Variants in CNTNAP2 observed in about 807,000 individuals in gnomAD.
CNTNAP2 encodes the protein contactin associated protein 2, also known as contactin-associated protein-like 2.
In CNTNAP2, 98 loss-of-function variants were observed where a neutral mutation model predicts 155.2. The ratio of observed to expected loss-of-function variants is 0.63; its 90% confidence interval spans 0.54 to 0.75. CNTNAP2 has a LOEUF of 0.75. CNTNAP2 is among the 30% of genes least tolerant of loss of function. The pLI is 0.00. For missense variants in CNTNAP2, 1,727 were observed against 1,688.1 expected (o/e 1.02, Z -0.40); for synonymous variants, 651 against 631.2 (o/e 1.03, Z -0.47).
chr7:148,009,913 A>G (rs1045143059), intron 15 of CNTNAP2, among the ~76,000 whole-genome samples: 2 of 152,062 alleles, frequency 1.3e-5, no homozygotes, highest in Non-Finnish European at 2.9e-5. Context: ...CTGAGAATTA[A>G]TTTATTGCTT....
intron 13 of CNTNAP2, chr7:147,850,023 G>C (rs1313005657): frequency 1.3e-5 from 2 of 152,174 alleles, no homozygotes; most frequent in Admixed American, 6.5e-5. Flanking sequence ...TTCAAGCACA[G>C]CTTAATTATA....
intron 1 of CNTNAP2, among the ~76,000 whole-genome samples, chr7:146,578,129 C>G (rs1371769966): frequency 6.6e-6 from 1 of 152,010 alleles, no homozygotes; most frequent in Non-Finnish European, 1.5e-5. Flanking sequence ...TTTAAAGTAT[C>G]GCTAAGTTAT....
At chr7:147,076,222 G>A (rs1243274378) in intron 4 of CNTNAP2, among the ~76,000 whole-genome samples, 1 of 152,166 alleles carries the variant, frequency 6.6e-6, no homozygotes, top group Non-Finnish European at 1.5e-5. Context: ...CTTCCACAAA[G>A]GTTGAACTAG....
chr7:147,828,862 T>A (rs117757285), intron 13 of CNTNAP2, among the ~76,000 whole-genome samples: 6,735 of 152,262 alleles, frequency 0.044, 268 homozygotes, highest in Admixed American at 0.12. Flanking sequence ...TTTGGAACAT[T>A]TATCACCTTC....
At position 146,533,978 on chromosome 7, in the gene CNTNAP2, A is replaced by G. The variant is rs191626609; in HGVS notation, c.98-240293A>G. Reference sequence around the variant, plus strand: ...AAAAGCATTGAATTAAAAATAGTCTATGTAAAATTCCAATCTTGTTAGGAA... The same window carrying G: ...AAAAGCATTGAATTAAAAATAGTCTGTGTAAAATTCCAATCTTGTTAGGAA... On this transcript the variant is annotated intron_variant, in intron 1 of 23. Transcript: ENST00000361727. Among the ~76,000 whole-genome samples the G allele has an allele frequency of 8.5e-4, 130 of 152,270 alleles. 1 individual carries two copies. In the South Asian group the frequency reaches 0.026, roughly 30 times the overall value.
chr7:147,676,279 G>A (rs138624906), intron 13 of CNTNAP2, among the ~76,000 whole-genome samples: 2,487 of 152,086 alleles, frequency 0.016, 220 homozygotes, highest in Admixed American at 0.15. Context: ...GTACTTAGCA[G>A]TTAGCATTTA....
chr7:146,596,065 C>G (rs1231433587), intron 1 of CNTNAP2, among the ~76,000 whole-genome samples: 1 of 151,814 alleles, frequency 6.6e-6, no homozygotes, highest in Non-Finnish European at 1.5e-5. Flanking sequence ...AGTAGTAGGC[C>G]AATATATTTT....
chr7:146,152,384 G>A (rs1167846338), intron 1 of CNTNAP2, among the ~76,000 whole-genome samples: 1 of 152,064 alleles, frequency 6.6e-6, no homozygotes, highest in African/African-American at 2.4e-5. Flanking sequence ...TGTGGAGACT[G>A]GGGAGATACT....
rs548184870 is a variant in CNTNAP2 at position 147,770,785 on chromosome 7, G to A, written c.2098+131479G>A. On this transcript the variant is annotated intron_variant, in intron 13 of 23. Transcript: ENST00000361727. ...TTAATGATGTTACTCTTCCAAAATTGATCTGTAGAGTAAATGAAATAGCAG... is the reference window on the plus strand; with the variant it reads ...TTAATGATGTTACTCTTCCAAAATTAATCTGTAGAGTAAATGAAATAGCAG... Among the ~76,000 whole-genome samples, 68 of 152,222 alleles carry A rather than the reference G, an allele frequency of 4.5e-4. 1 individual carries two copies. Among genetic ancestry groups the A allele is most frequent in the African/African-American group, 1.6e-3 (67 of 41,550 alleles).
chr7:146,774,436 T>A, intron 2 of CNTNAP2, 55 bp downstream of exon 2: 1 of 1,171,282 alleles, frequency 8.5e-7, no homozygotes, highest in Non-Finnish European at 1.3e-6. Flanking sequence ...GAACATGTTA[T>A]ATTTATAGCC....
intron 13 of CNTNAP2, among the ~76,000 whole-genome samples, chr7:147,731,656 A>T (rs1401216199): frequency 6.6e-6 from 1 of 152,166 alleles, no homozygotes; most frequent in Non-Finnish European, 1.5e-5. Context: ...TGACTTTCAA[A>T]TCTTATTATT....
At chr7:147,432,016 A>G (rs1188439273) in intron 10 of CNTNAP2, among the ~76,000 whole-genome samples, 1 of 152,180 alleles carries the variant, frequency 6.6e-6, no homozygotes, top group East Asian at 1.9e-4. Flanking sequence ...TGCATTTCCC[A>G]TTTCTTATAT....
Position 147,244,380 on chromosome 7 carries a change from A to G in CNTNAP2, c.1349-55761A>G, listed in dbSNP as rs369964658. Among the ~76,000 whole-genome samples the G allele has an allele frequency of 1.8e-4, 28 of 152,302 alleles. 1 individual carries two copies. The highest frequency in any genetic ancestry group is 6.5e-4 in the African/African-American group (27 of 41,552). ...AGGAGTAGACTTTACTAAGCACCCT[A>G]TATGTTAAAAAAATATATATTAAAT... On this transcript the variant is annotated intron_variant, in intron 8 of 23. Transcript: ENST00000361727.
At chr7:148,122,451 G>A (rs1381818438) in intron 16 of CNTNAP2, among the ~76,000 whole-genome samples, 1 of 152,012 alleles carries the variant, frequency 6.6e-6, no homozygotes, top group Admixed American at 6.5e-5. Flanking sequence ...AGGAGCCAGG[G>A]AAAAAAGGAA....
intron 16 of CNTNAP2, among the ~76,000 whole-genome samples, chr7:148,129,370 T>A (rs1372223438): frequency 6.6e-6 from 1 of 152,112 alleles, no homozygotes; most frequent in Admixed American, 6.5e-5. Flanking sequence ...GTAATCCACA[T>A]CGATTACTGC....
At chr7:147,947,204 G>C (rs1172002154) in intron 14 of CNTNAP2, among the ~76,000 whole-genome samples, 1 of 152,076 alleles carries the variant, frequency 6.6e-6, no homozygotes, top group Non-Finnish European at 1.5e-5. Context: ...TGGGTGCAGT[G>C]GAGACTCCCA....
In CNTNAP2 at chr7:146,620,021, A is replaced by C. The variant is rs1375163821; in HGVS notation, c.98-154250A>C. Reference sequence around the variant, plus strand: ...AGTAACTAGTATTTCAAAAATGTTCATATAGCCTTGCAAATAGTTGAAAAT... The same window carrying C: ...AGTAACTAGTATTTCAAAAATGTTCCTATAGCCTTGCAAATAGTTGAAAAT... On this transcript the variant is annotated intron_variant, in intron 1 of 23. Transcript: ENST00000361727. Among the ~76,000 whole-genome samples, 24 of 152,224 alleles carry C rather than the reference A, an allele frequency of 1.6e-4. 1 individual carries two copies. The highest frequency in any genetic ancestry group is 1.6e-3 in the Admixed American group (24 of 15,284).
At chr7:146,417,629 C>T (rs1795956389) in intron 1 of CNTNAP2, among the ~76,000 whole-genome samples, 1 of 150,990 alleles carries the variant, frequency 6.6e-6, no homozygotes, top group Admixed American at 6.6e-5. Context: ...AATCATCTCT[C>T]TTTTACTAAC....
chr7:146,354,970 G>T (rs935570580), intron 1 of CNTNAP2, among the ~76,000 whole-genome samples: 1 of 152,150 alleles, frequency 6.6e-6, no homozygotes, highest in African/African-American at 2.4e-5. Context: ...TGTCCTACTT[G>T]GCAGTGGTAC....
Sources: allele counts gnomAD v4.1 joint callset (sites outside exome capture counted in the v4.1 genomes callset), GRCh38; gene constraint gnomAD v4.1.1; transcripts MANE v1.5; gene names NCBI Gene and HGNC (gene_info 2026-07-23, HGNC 2026-07-21).